The following ZNF717 variants were observed in gnomAD, a reference collection of about 807,000 sequenced individuals.
ZNF717 encodes the protein krueppel-like factor X17.
A neutral mutation model predicts 13.8 loss-of-function variants in ZNF717; 9 were observed. The observed-to-expected ratio is 0.65, with a 90% CI of 0.39 to 1.14. ZNF717 has a LOEUF of 1.14. Among genes scored for constraint, ZNF717 ranks in the 50% most tolerant of loss-of-function variants. The pLI is 0.01. For missense variants in ZNF717, 1,040 were observed against 1,080.7 expected (o/e 0.96, Z 0.53); for synonymous variants, 327 against 364.1 (o/e 0.90, Z 1.16).
chr3:75,748,380 T>A (rs1941370925), intron 2 of ZNF717, among the ~76,000 whole-genome samples: 1 of 152,138 alleles, frequency 6.6e-6, no homozygotes, highest in East Asian at 1.9e-4. Flanking sequence ...GGACGAGACA[T>A]AATCAAAAAA....
downstream of ZNF717, among the ~76,000 whole-genome samples, chr3:75,734,395 A>G: frequency 6.7e-6 from 1 of 149,916 alleles, no homozygotes. Flanking sequence ...AAAGAACATT[A>G]GAGAAGGAAT....
At chr3:75,694,844 C>T (rs74440013) in intron 6 of ZNF717, among the ~76,000 whole-genome samples, 9 of 151,836 alleles carry the variant, frequency 5.9e-5, no homozygotes, top group African/African-American at 1.9e-4. Context: ...GTACCACAGA[C>T]GTACAAAAAG....
chr3:75,740,777 A>G (rs1403970237), intron 4 of ZNF717, among the ~76,000 whole-genome samples: 1 of 152,164 alleles, frequency 6.6e-6, no homozygotes, highest in Non-Finnish European at 1.5e-5. Flanking sequence ...ATTACAGTGA[A>G]CTATAATCAT....
At chr3:75,761,597 C>A (rs1159344393) in intron 2 of ZNF717, among the ~76,000 whole-genome samples, 1 of 152,244 alleles carries the variant, frequency 6.6e-6, no homozygotes, top group African/African-American at 2.4e-5. Context: ...ATTTTGTTCA[C>A]AGACAACAGG....
At chr3:75,715,376 T>G (rs1938026410) in intron 5 of ZNF717, among the ~76,000 whole-genome samples, 1 of 152,200 alleles carries the variant, frequency 6.6e-6, no homozygotes, top group South Asian at 2.1e-4. Flanking sequence ...TTATTTATAA[T>G]TTTTATTTTT....
chr3:75,742,475 A>G (rs1337836373), intron 2 of ZNF717, among the ~76,000 whole-genome samples: 1 of 152,046 alleles, frequency 6.6e-6, no homozygotes, highest in Non-Finnish European at 1.5e-5. Flanking sequence ...GAAGGAGAAA[A>G]TAAGTTTTGT....
chr3:75,750,107 G>A (rs62266557), intron 2 of ZNF717, among the ~76,000 whole-genome samples: 12,224 of 151,198 alleles, frequency 0.081, 920 homozygotes, highest in African/African-American at 0.17. Flanking sequence ...TGCTGCTAGG[G>A]TCTGAATGTT....
At chr3:75,748,142 G>C (rs1468044936) in intron 2 of ZNF717, among the ~76,000 whole-genome samples, 9 of 152,132 alleles carry the variant, frequency 5.9e-5, no homozygotes, top group African/African-American at 2.2e-4. Context: ...GACTAAACCA[G>C]GAGGAAGTTG....
In ZNF717 at chr3:75,739,088, T is replaced by G. The variant is rs1294541691; in HGVS notation, c.535A>C (p.Lys179Gln). The G allele has an allele frequency of 6.4e-7, 1 of 1,551,598 alleles. No homozygotes were observed. Among genetic ancestry groups the G allele is most frequent in the South Asian group, 1.2e-5 (1 of 84,052 alleles). Residue 179 changes from lysine (K) to glutamine (Q), a missense_variant, in exon 5 of 5, where the codon AAA (lysine) becomes CAA (glutamine). Coordinates refer to ENST00000652011, the MANE Select transcript of ZNF717 (RefSeq NM_001290208.3). ...IKPGETQSGE[K>Q]PHVCDITRRS... The stretch of plus-strand genomic sequence containing the variant: ...CTGGTTATATCACAGACATGAGGTT[T>G]CTCTCCAGACTGTGTCTCCCCAGGC...
chr3:75,748,316 G>C (rs1247615588), intron 2 of ZNF717, among the ~76,000 whole-genome samples: 1 of 152,048 alleles, frequency 6.6e-6, no homozygotes, highest in African/African-American at 2.4e-5. Flanking sequence ...AGAAAAAGAG[G>C]GAATCCTCCC....
downstream of ZNF717, among the ~76,000 whole-genome samples, chr3:75,704,841 C>G (rs1937770173): frequency 1.3e-5 from 2 of 152,298 alleles, no homozygotes; most frequent in African/African-American, 4.8e-5. Context: ...TAATTTGCCA[C>G]TGGTCCAAGT....
At chr3:75,728,136 C>T (rs1575726540), downstream of ZNF717, among the ~76,000 whole-genome samples, 2 of 152,134 alleles carry the variant, frequency 1.3e-5, no homozygotes, top group East Asian at 1.9e-4. Context: ...ACATATACAC[C>T]ATCTAGGGTT....
intron 2 of ZNF717, among the ~76,000 whole-genome samples, chr3:75,764,363 C>G (rs1943262016): frequency 6.6e-6 from 1 of 152,200 alleles, no homozygotes; most frequent in African/African-American, 2.4e-5. Context: ...TGCTGATTCT[C>G]ATTCGGAATC....
intron 2 of ZNF717, among the ~76,000 whole-genome samples, chr3:75,779,121 C>G (rs765807689): frequency 7.9e-5 from 12 of 151,752 alleles, no homozygotes; most frequent in Admixed American, 2.0e-4. Flanking sequence ...GATTGACGTG[C>G]TAAAACCAGA....
intron 2 of ZNF717, among the ~76,000 whole-genome samples, chr3:75,746,379 T>C (rs1941174704): frequency 6.6e-6 from 1 of 152,186 alleles, no homozygotes; most frequent in African/African-American, 2.4e-5. Context: ...TCATTTATAT[T>C]CTGTTGGGTA....
intron 6 of ZNF717, among the ~76,000 whole-genome samples, chr3:75,703,384 G>C (rs1172083216): frequency 1.3e-4 from 20 of 152,384 alleles, no homozygotes; most frequent in African/African-American, 4.6e-4. Context: ...ACAAAAATGA[G>C]CTGAGTGTCA....
intron 2 of ZNF717, among the ~76,000 whole-genome samples, chr3:75,780,675 C>T (rs1944743045): frequency 6.6e-6 from 1 of 152,250 alleles, no homozygotes; most frequent in Non-Finnish European, 1.5e-5. Context: ...GCTGGGATTA[C>T]AGGTGTGAGC....
downstream of ZNF717, among the ~76,000 whole-genome samples, chr3:75,707,323 G>C (rs13320965): frequency 0.045 from 6,791 of 152,236 alleles, 491 homozygotes; most frequent in African/African-American, 0.15. Flanking sequence ...CATGTTACCA[G>C]ATAAAAAGCC....
downstream of ZNF717, among the ~76,000 whole-genome samples, chr3:75,729,733 G>A (rs1253412961): frequency 6.6e-6 from 1 of 151,486 alleles, no homozygotes; most frequent in African/African-American, 2.4e-5. Flanking sequence ...GGAAAAATAT[G>A]ATGGAGGGGG....
Sources: gnomAD v4.1 joint callset for allele counts (sites outside exome capture counted in the v4.1 genomes callset) on GRCh38, gnomAD v4.1.1 for gene constraint, MANE v1.5 for transcripts, NCBI Gene and HGNC (gene_info 2026-07-23, HGNC 2026-07-21) for gene names.